FRAS1: variants seen among roughly 807,000 people sequenced by gnomAD.
FRAS1 encodes the protein extracellular matrix organizing protein FRAS1.
Under a neutral mutation model 435.2 loss-of-function variants are expected in FRAS1, and 290 were observed. That is an observed-to-expected ratio of 0.67 (90% CI 0.61 to 0.73). The LOEUF is 0.73. Among genes scored for constraint, FRAS1 ranks in the 30% least tolerant of loss-of-function variants. The pLI is 0.00. For synonymous variants in FRAS1, 1,800 were observed against 1,851.0 expected (o/e 0.97, Z 0.71); for missense variants, 4,860 against 5,001.5 (o/e 0.97, Z 0.85).
intron 65 of FRAS1, among the ~76,000 whole-genome samples, chr4:78,514,045 G>A (rs548271654): frequency 6.6e-6 from 1 of 152,204 alleles, no homozygotes; most frequent in Non-Finnish European, 1.5e-5. Flanking sequence ...GTTTATTAGG[G>A]ATCAATATCT....
intron 2 of FRAS1, among the ~76,000 whole-genome samples, chr4:78,220,741 C>A (rs1053908266): frequency 1.1e-4 from 17 of 152,158 alleles, no homozygotes; most frequent in Non-Finnish European, 2.9e-5. Flanking sequence ...TTTGATTGTA[C>A]CTACTCTCTC....
At chr4:78,416,347 C>T (rs928159359) in intron 32 of FRAS1, among the ~76,000 whole-genome samples, 3 of 151,850 alleles carry the variant, frequency 2.0e-5, no homozygotes, top group Non-Finnish European at 2.9e-5. Context: ...AGAATTTCAG[C>T]TTTGCAAGGT....
chr4:78,282,728 G>C, intron 11 of FRAS1, 92 bp from the exon 12 acceptor site: 1 of 1,472,186 alleles, frequency 6.8e-7, no homozygotes, highest in Non-Finnish European at 9.4e-7. Flanking sequence ...CCTTCACTTT[G>C]TTCTTATGGA....
intron 36 of FRAS1, among the ~76,000 whole-genome samples, chr4:78,429,533 G>A (rs1018256013): frequency 6.6e-6 from 1 of 152,182 alleles, no homozygotes; most frequent in Non-Finnish European, 1.5e-5. Flanking sequence ...ATAGAGGGGA[G>A]CAGGATTTCA....
At chr4:78,202,184 T>G (rs182955318) in intron 2 of FRAS1, among the ~76,000 whole-genome samples, 1 of 152,322 alleles carries the variant, frequency 6.6e-6, no homozygotes, top group African/African-American at 2.4e-5. Context: ...CCCTGTAAAC[T>G]AAATATCATA....
chr4:78,318,712 C>A, intron 17 of FRAS1, 98 bp from the exon 18 acceptor site: 1 of 1,127,896 alleles, frequency 8.9e-7, no homozygotes, highest in Non-Finnish European at 1.2e-6. Flanking sequence ...TGAAAGGCTG[C>A]ATTTGGTGAA....
intron 2 of FRAS1, among the ~76,000 whole-genome samples, chr4:78,179,845 G>C (rs1721923477): frequency 6.6e-6 from 1 of 152,220 alleles, no homozygotes; most frequent in African/African-American, 2.4e-5. Context: ...AGGGAGTTGG[G>C]CAGTTGGTGC....
At chr4:78,428,146 C>T (rs1459229091) in intron 35 of FRAS1, among the ~76,000 whole-genome samples, 2 of 152,118 alleles carry the variant, frequency 1.3e-5, no homozygotes, top group Non-Finnish European at 2.9e-5. Flanking sequence ...CTCGTATTTT[C>T]CTCAGAGATG....
At chr4:78,393,734 T>C (rs777244937) in intron 29 of FRAS1, among the ~76,000 whole-genome samples, 5 of 152,132 alleles carry the variant, frequency 3.3e-5, no homozygotes, top group Non-Finnish European at 7.4e-5. Context: ...GAAGTGCAGA[T>C]AGCTCTTCAA....
At position 78,542,314 on chromosome 4, in the gene FRAS1, T is replaced by C. The variant is rs1472659494; in HGVS notation, c.*1190T>C. On this transcript the variant is annotated 3_prime_UTR_variant, in exon 74 of 74. Coordinates refer to ENST00000512123, the MANE Select transcript of FRAS1 (RefSeq NM_025074.7). ...AGCACATGACAAGGCCATGAACACA[T>C]GGCTCTAAAATAATTTAGTGTTCAA... The C allele has an allele frequency of 1.3e-5, 2 of 152,244 alleles. No individual in the cohort carries two copies. The highest frequency in any genetic ancestry group is 2.9e-5 in the Non-Finnish European group (2 of 68,042). 9.4% of individuals were successfully genotyped at this position (152,244 alleles called of 1,614,324 possible).
chr4:78,449,315 A>AT (rs553409619), intron 44 of FRAS1, among the ~76,000 whole-genome samples: 81 of 152,294 alleles, frequency 5.3e-4, no homozygotes, highest in African/African-American at 1.8e-3. Context: ...GGAATTCTCC[A>AT]TGTTACAGCA....
chr4:78,161,768 A>G (rs113326479), intron 2 of FRAS1, among the ~76,000 whole-genome samples: 166 of 140,686 alleles, frequency 1.2e-3, no homozygotes, highest in African/African-American at 4.4e-3. Context: ...AAAAAAAAAA[A>G]AAAAGAAAAG....
Position 78,516,017 on chromosome 4 carries a change from G to A in FRAS1, c.10389+4G>A. ...CTCTGTAACCGCTGACTTCCAGGTA[G>A]GTGCCCCGGGGCTTGTCTGAGGACT... On this transcript the variant is annotated splice_donor_region_variant and intron_variant, in intron 66 of 73. Coordinates refer to ENST00000512123, the MANE Select transcript of FRAS1 (RefSeq NM_025074.7). 6.2e-7 allele frequency: 1 copy of A among 1,609,566 alleles called. No homozygotes were observed. Among genetic ancestry groups the A allele is most frequent in the Non-Finnish European group, 8.5e-7 (1 of 1,177,392 alleles).
rs796676370 is a variant in FRAS1 at position 78,283,571 on chromosome 4, G to GGCAT, written c.1255+604_1255+605insGCAT. ...GAGTAGTAGTTTGCCTATAAGTTTA[G>GGCAT]TCTCTCTTGGAGAAGTGGCATTTTC... On this transcript the variant is annotated intron_variant, in intron 12 of 73. Coordinates refer to ENST00000512123, the MANE Select transcript of FRAS1 (RefSeq NM_025074.7). Among the ~76,000 whole-genome samples, 3 of 152,284 alleles carry GGCAT rather than the reference G, an allele frequency of 2.0e-5. No individual in the cohort carries two copies. The South Asian group carries it at 6.2e-4, about 32-fold the overall frequency.
At chr4:78,376,311 C>T (rs571050078) in intron 26 of FRAS1, among the ~76,000 whole-genome samples, 2 of 152,286 alleles carry the variant, frequency 1.3e-5, no homozygotes, top group Admixed American at 1.3e-4. Flanking sequence ...GCCTACTACA[C>T]ACCAAGGCTA....
At chr4:78,141,720 G>T (rs573214553) in intron 2 of FRAS1, among the ~76,000 whole-genome samples, 1 of 152,118 alleles carries the variant, frequency 6.6e-6, no homozygotes, top group Non-Finnish European at 1.5e-5. Flanking sequence ...TTGCAAAATC[G>T]TGGAACCAAC....
intron 3 of FRAS1, among the ~76,000 whole-genome samples, chr4:78,239,673 C>G (rs1237669164): frequency 6.6e-6 from 1 of 152,162 alleles, no homozygotes; most frequent in Non-Finnish European, 1.5e-5. Flanking sequence ...GCTTCAGACA[C>G]CAAGCCTCCT....
At chr4:78,409,750 T>C (rs1560711397) in intron 31 of FRAS1, among the ~76,000 whole-genome samples, 1 of 152,180 alleles carries the variant, frequency 6.6e-6, no homozygotes, top group Admixed American at 6.5e-5. Context: ...TTTATGGGGA[T>C]CAGCCAAAGC....
Position 78,308,057 on chromosome 4 carries a change from C to T in FRAS1, c.1535-9C>T, listed in dbSNP as rs1278936398. ...TAGATTACTCACTGATTTTGCTATT[C>T]GTCTGCAGTCTGCCATGAGTCCTGT... On this transcript the variant is annotated splice_polypyrimidine_tract_variant and intron_variant, in intron 14 of 73. Transcript: ENST00000512123. 3.8e-6 allele frequency: 6 copies of T among 1,588,758 alleles called. No homozygotes were observed. The highest frequency in any genetic ancestry group is 1.1e-5 in the South Asian group (1 of 87,854).
Sources: gnomAD v4.1 joint callset for allele counts (sites outside exome capture counted in the v4.1 genomes callset) on GRCh38, gnomAD v4.1.1 for gene constraint, MANE v1.5 for transcripts, NCBI Gene and HGNC (gene_info 2026-07-23, HGNC 2026-07-21) for gene names.